Variants in PDE4D observed in about 807,000 individuals in gnomAD.
The protein encoded by PDE4D is phosphodiesterase 4D.
PDE4D carries 24 observed loss-of-function variants against 87.4 expected under a neutral mutation model. The ratio of observed to expected loss-of-function variants is 0.27; its 90% CI spans 0.20 to 0.39. The LOEUF (loss-of-function observed/expected upper bound fraction) is 0.39, where lower values mean the gene tolerates loss of function less well. PDE4D is among the 10% of genes least tolerant of loss of function. PDE4D has a pLI of 1.00. For synonymous variants in PDE4D, 384 were observed against 383.2 expected, an observed-to-expected ratio of 1.00 and a Z score of -0.02; for missense variants, 714 against 1,041.0, an observed-to-expected ratio of 0.69 and a Z score of 4.32.
intron 1 of PDE4D, among the ~76,000 whole-genome samples, chr5:60,513,663 C>T (rs1420793334): frequency 6.6e-6 from 1 of 151,734 alleles, no homozygotes; most frequent in Non-Finnish European, 1.5e-5. Context: ...ATATCAATAA[C>T]AAAAAGACAA....
At chr5:60,410,343 C>T (rs1182143786) in intron 1 of PDE4D, among the ~76,000 whole-genome samples, 1 of 152,012 alleles carries the variant, frequency 6.6e-6, no homozygotes, top group African/African-American at 2.4e-5. Context: ...AGCCCCTCCC[C>T]TCCCCTACAT....
chr5:59,697,712 A>AC (rs1309042896), intron 1 of PDE4D, among the ~76,000 whole-genome samples: 4 of 152,192 alleles, frequency 2.6e-5, no homozygotes, highest in Non-Finnish European at 5.9e-5. Flanking sequence ...GTGTCAGGCA[A>AC]CCTGTTACCA....
At chr5:59,354,854 T>C (rs1265287527) in intron 1 of PDE4D, among the ~76,000 whole-genome samples, 1 of 152,250 alleles carries the variant, frequency 6.6e-6, no homozygotes, top group African/African-American at 2.4e-5. Flanking sequence ...GTAAGGAAAC[T>C]TCTAACCTCA....
intron 1 of PDE4D, among the ~76,000 whole-genome samples, chr5:60,365,678 T>C (rs1760464700): frequency 6.6e-6 from 1 of 152,222 alleles, no homozygotes; most frequent in Non-Finnish European, 1.5e-5. Context: ...GATTACAACA[T>C]TTCTTGAACT....
At chr5:59,988,506 G>A in exon 3 of PDE4D, 1 of 1,597,974 alleles carries the variant, frequency 6.3e-7, no homozygotes, top group Non-Finnish European at 8.5e-7. Context: ...TTCTGCAGAA[G>A]TGATAGCAAT....
intron 3 of PDE4D, among the ~76,000 whole-genome samples, chr5:59,985,141 T>TG (rs1472500227): frequency 3.4e-5 from 4 of 118,298 alleles, no homozygotes; most frequent in Non-Finnish European, 5.8e-5. Flanking sequence ...GTTTTTTGTT[T>TG]TTTGTTTTTT....
chr5:60,077,827 G>A (rs992394214), intron 2 of PDE4D, among the ~76,000 whole-genome samples: 17 of 152,150 alleles, frequency 1.1e-4, no homozygotes, highest in Non-Finnish European at 2.1e-4. Flanking sequence ...CCCATGCCAG[G>A]ATTCCAGAGA....
At chr5:60,519,629 C>G (rs994422434) in intron 1 of PDE4D, among the ~76,000 whole-genome samples, 1 of 152,124 alleles carries the variant, frequency 6.6e-6, no homozygotes, top group African/African-American at 2.4e-5. Flanking sequence ...TGTTCATTTT[C>G]CAAAAGCCAA....
chr5:60,310,860 C>G (rs1002384459), intron 1 of PDE4D, among the ~76,000 whole-genome samples: 1 of 152,180 alleles, frequency 6.6e-6, no homozygotes, highest in Non-Finnish European at 1.5e-5. Flanking sequence ...CCCTTTCTAG[C>G]CAAACAAGAA....
intron 6 of PDE4D, among the ~76,000 whole-genome samples, chr5:59,017,499 G>A (rs904971310): frequency 6.6e-6 from 1 of 152,132 alleles, no homozygotes; most frequent in African/African-American, 2.4e-5. Context: ...AATACATGAA[G>A]TTTTGGATTT....
chr5:60,164,775 C>T (rs1468219177), intron 2 of PDE4D, among the ~76,000 whole-genome samples: 3 of 152,062 alleles, frequency 2.0e-5, no homozygotes, highest in Non-Finnish European at 4.4e-5. Context: ...AATTGACATT[C>T]TGTCAATTAA....
chr5:59,262,713 C>A (rs899056743), intron 1 of PDE4D, among the ~76,000 whole-genome samples: 1 of 151,796 alleles, frequency 6.6e-6, no homozygotes, highest in Non-Finnish European at 1.5e-5. Context: ...TTAGAGTGAG[C>A]CTGAAGTGGT....
chr5:60,088,900 C>A (rs1350434746), intron 2 of PDE4D, among the ~76,000 whole-genome samples: 1 of 151,894 alleles, frequency 6.6e-6, no homozygotes, highest in East Asian at 1.9e-4. Context: ...TAAAAGGATC[C>A]AACTATATGC....
chr5:59,843,127 T>C (rs1743272255), intron 1 of PDE4D, among the ~76,000 whole-genome samples: 2 of 152,012 alleles, frequency 1.3e-5, no homozygotes, highest in South Asian at 4.1e-4. Flanking sequence ...TAAGGAAATG[T>C]GAGTCATGTC....
At chr5:60,176,685 G>C (rs1276201566) in intron 2 of PDE4D, among the ~76,000 whole-genome samples, 1 of 152,090 alleles carries the variant, frequency 6.6e-6, no homozygotes, top group East Asian at 1.9e-4. Flanking sequence ...GACACGAAAT[G>C]TTATTTTAAA....
intron 1 of PDE4D, among the ~76,000 whole-genome samples, chr5:59,389,597 G>A (rs755729542): frequency 6.6e-6 from 1 of 152,022 alleles, no homozygotes; most frequent in South Asian, 2.1e-4. Context: ...CCACCACTAG[G>A]AATTTATTCA....
At chr5:59,477,609 A>G (rs574861140) in intron 1 of PDE4D, among the ~76,000 whole-genome samples, 1 of 152,236 alleles carries the variant, frequency 6.6e-6, no homozygotes, top group Admixed American at 6.6e-5. Context: ...TGGACATGTA[A>G]ATTACTTCAG....
chr5:59,771,869 G>A (rs1442382478), intron 1 of PDE4D, among the ~76,000 whole-genome samples: 1 of 152,150 alleles, frequency 6.6e-6, no homozygotes, highest in Non-Finnish European at 1.5e-5. Context: ...AGTGTATTTG[G>A]TTGGTGCAAA....
At chr5:60,274,348 T>C (rs1012226522) in intron 1 of PDE4D, among the ~76,000 whole-genome samples, 6 of 147,492 alleles carry the variant, frequency 4.1e-5, no homozygotes, top group African/African-American at 1.6e-4. Context: ...TCGTTGTTGT[T>C]GTTGTTGTTG....
Sources: gnomAD v4.1 joint callset for allele counts (sites outside exome capture counted in the v4.1 genomes callset) on GRCh38, gnomAD v4.1.1 for gene constraint, MANE v1.5 for transcripts, NCBI Gene and HGNC (gene_info 2026-07-23, HGNC 2026-07-21) for gene names.